The following ZNF431 variants were observed in gnomAD, a reference collection of about 807,000 sequenced individuals.
ZNF431 encodes zinc finger protein 431.
ZNF431 carries 34 observed loss-of-function variants against 57.0 expected under a neutral mutation model. The observed-to-expected ratio is 0.60, with a 90% CI of 0.45 to 0.79. The LOEUF (loss-of-function observed/expected upper bound fraction) is 0.79. Ranked by LOEUF, ZNF431 falls within the 30% of genes least tolerant of loss-of-function variation. The pLI, the probability that ZNF431 is intolerant of heterozygous loss-of-function variation, is 0.00. For synonymous variants in ZNF431, 207 were observed against 220.3 expected, an observed-to-expected ratio of 0.94 and a Z score of 0.54; for missense variants, 607 against 667.1, an observed-to-expected ratio of 0.91 and a Z score of 0.99.
chr19:21,183,001 A>C lies in ZNF431; in HGVS notation c.698A>C (p.Gln233Pro). The C allele has an allele frequency of 6.2e-7, 1 of 1,614,140 alleles. No homozygotes were observed. The highest frequency in any genetic ancestry group is 8.5e-7 in the Non-Finnish European group (1 of 1,179,968). The stretch of plus-strand genomic sequence containing the variant: ...ATTCATATTAGAGAGAATTCTTACC[A>C]ATGTGAAGAATGTGGCAAAGCTTTT... Reference protein sequence around the residue: ...KRIHIRENSYQCEECGKAFKW... With the variant: ...KRIHIRENSYPCEECGKAFKW... Residue 233 changes from glutamine (Q) to proline (P), a missense_variant, in exon 5 of 5, where the codon CAA becomes CCA. Gln to Pro is a moderately conservative substitution (Grantham distance 76). Transcript: ENST00000311048.
rs747160201 is a variant in ZNF431 at position 21,183,772 on chromosome 19, G to T, written c.1469G>T (p.Gly490Val). 6.2e-7 allele frequency: 1 copy of T among 1,613,728 alleles called. No homozygotes were observed. The highest frequency in any genetic ancestry group is 8.5e-7 in the Non-Finnish European group (1 of 1,179,902). ...AAACCCTACAAATGTGAAGAATGTG[G>T]CAAAGCTTTTAACCGATCCTCAAAT... ...GEKPYKCEEC[G>V]KAFNRSSNLT... is the part of the protein sequence containing the mutation. Residue 490 changes from glycine (G) to valine (V), a missense_variant, in exon 5 of 5, where the codon GGC becomes GTC. Transcript: ENST00000311048.
chr19:21,162,318 C>A (rs760846186), intron 2 of ZNF431, among the ~76,000 whole-genome samples: 2 of 152,062 alleles, frequency 1.3e-5, no homozygotes, highest in Admixed American at 6.6e-5. Context: ...GGATTACAGG[C>A]ACCTGCCACC....
intron 2 of ZNF431, 86 bp from the exon 3 acceptor site, chr19:21,166,249 C>A: frequency 6.5e-6 from 10 of 1,535,272 alleles, no homozygotes; most frequent in Non-Finnish European, 8.7e-6. Flanking sequence ...TCTCTTTACT[C>A]TCTCAATTCA....
chr19:21,182,883 C>T lies in ZNF431; in HGVS notation c.580C>T (p.His194Tyr). 6.2e-7 allele frequency: 1 copy of T among 1,613,880 alleles called. No individual in the cohort carries two copies. The highest frequency in any genetic ancestry group is 2.2e-5 in the East Asian group (1 of 44,842). ...TCATAAATTTTTAAATGCAAATAGA[C>T]ATAAGACAAGACATACTGGAAAGAA... The part of the protein sequence containing the change: ...VFHKFLNANR[H>Y]KTRHTGKKPF... Residue 194 changes from histidine (H) to tyrosine (Y), a missense_variant, in exon 5 of 5, where the codon CAT (histidine) becomes TAT (tyrosine). By Grantham distance (83) the His-to-Tyr change is moderately conservative (BLOSUM62 2). Coordinates refer to ENST00000311048, the MANE Select transcript of ZNF431 (RefSeq NM_133473.4).
chr19:21,177,976 G>A (rs8108314), intron 4 of ZNF431, among the ~76,000 whole-genome samples: 91,041 of 151,710 alleles, frequency 0.6, 27,595 homozygotes, highest in Middle Eastern at 0.8. Context: ...TTATTTGTTT[G>A]TGTCCTCTCT....
chr19:21,144,565 A>G (rs1032373379), intron 2 of ZNF431, among the ~76,000 whole-genome samples: 19 of 152,078 alleles, frequency 1.2e-4, no homozygotes, highest in African/African-American at 4.6e-4. Context: ...ATTAATATCT[A>G]ATTATGTATC....
At chr19:21,162,687 A>C in intron 2 of ZNF431, 7 of 984,536 alleles carry the variant, frequency 7.1e-6, no homozygotes, top group Non-Finnish European at 8.4e-6. Flanking sequence ...AAAAGATGAG[A>C]GTTTTTGCTG....
chr19:21,165,122 C>T (rs7251646), intron 2 of ZNF431, among the ~76,000 whole-genome samples: 142,288 of 151,072 alleles, frequency 0.94, 67,245 homozygotes, highest in Middle Eastern at 0.99. Context: ...TTTTCCTATG[C>T]ACCAGACCCT....
intron 4 of ZNF431, among the ~76,000 whole-genome samples, chr19:21,178,682 C>T (rs750316508): frequency 5.9e-5 from 9 of 151,984 alleles, no homozygotes; most frequent in Admixed American, 2.6e-4. Flanking sequence ...TATGTTGAAC[C>T]AGCCTTGCAT....
chr19:21,142,211 C>G (rs762503920), intron 1 of ZNF431, 25 bp downstream of exon 1: 5 of 1,613,020 alleles, frequency 3.1e-6, no homozygotes, highest in African/African-American at 2.7e-5. Flanking sequence ...TCGGACATCC[C>G]GAGAGAGGGG....
In ZNF431 at chr19:21,162,145, TGTGTGTGTGTGTG is replaced by T. The variant is rs1484812002; in HGVS notation, c.97-4189_97-4177del. Among the ~76,000 whole-genome samples, 79 of 125,358 alleles carry T rather than the reference TGTGTGTGTGTGTG, an allele frequency of 6.3e-4. No individual in the cohort carries two copies. The East Asian group carries it at 9.4e-3, about 15-fold the overall frequency. The allele number at this position is 125,358 out of a possible 152,430, so 82.2% of individuals were successfully genotyped here. ...GTGCCTGTCACCACATCCAGCTAAT[TGTGTGTGTGTGTG>T]TGTGTGTGTGTGTGTGTGTGTGTGT... is the stretch of plus-strand genomic sequence containing the variant. On this transcript the variant is annotated intron_variant, in intron 2 of 4. Coordinates refer to ENST00000311048, the MANE Select transcript of ZNF431 (RefSeq NM_133473.4).
chr19:21,167,398 A>G (rs1427849615), intron 3 of ZNF431, among the ~76,000 whole-genome samples, 173 bp from the exon 4 acceptor site: 2 of 152,142 alleles, frequency 1.3e-5, no homozygotes, highest in Non-Finnish European at 2.9e-5. Flanking sequence ...ACCTCAGGTG[A>G]TCTGTCCGTC....
At chr19:21,164,607 CT>C (rs1263338365) in intron 2 of ZNF431, among the ~76,000 whole-genome samples, 5 of 152,130 alleles carry the variant, frequency 3.3e-5, no homozygotes, top group Non-Finnish European at 7.4e-5. Flanking sequence ...AGAATTTTAT[CT>C]GAAAAGGATT....
intron 2 of ZNF431, chr19:21,150,378 T>G (rs1051012945): frequency 2.8e-6 from 1 of 363,268 alleles, no homozygotes; most frequent in East Asian, 7.3e-5. Flanking sequence ...GCCTCCTGCT[T>G]CTTCACAACA....
rs150189743 is a variant in ZNF431, at chr19:21,147,409, G to A, written c.96+3766G>A. Among the ~76,000 whole-genome samples the A allele has an allele frequency of 4.0e-3, 605 of 152,142 alleles. 3 individuals carry two copies. Among genetic ancestry groups the A allele is most frequent in the African/African-American group, 0.013 (558 of 41,500 alleles). On this transcript the variant is annotated intron_variant, in intron 2 of 4. Coordinates refer to ENST00000311048, the MANE Select transcript of ZNF431 (RefSeq NM_133473.4). ...GGAGGCTGAGGCAAGAGAATTACTC[G>A]AACCTGGGAGGCAGAGGTTGCAGTG...
chr19:21,143,545 C>T lies in ZNF431; in HGVS notation c.4-6C>T, dbSNP rs369394356. 20 of 1,611,124 alleles carry T rather than the reference C, an allele frequency of 1.2e-5. No individual in the cohort carries two copies. Among genetic ancestry groups the T allele is most frequent in the Non-Finnish European group, 1.7e-5 (20 of 1,177,368 alleles). ...ATATCAGCTTCTGGTTTATTTTCTT[C>T]CATAGGACGACTTGAAATATGGAGT... On this transcript the variant is annotated splice_polypyrimidine_tract_variant and splice_region_variant and intron_variant, in intron 1 of 4. Coordinates refer to ENST00000311048, the MANE Select transcript of ZNF431 (RefSeq NM_133473.4).
chr19:21,175,027 G>T (rs1056767433), intron 4 of ZNF431, among the ~76,000 whole-genome samples: 2 of 152,090 alleles, frequency 1.3e-5, no homozygotes, highest in African/African-American at 4.8e-5. Flanking sequence ...AAAGTGCTGG[G>T]ATTACAGGCA....
rs1364989520 is a variant in ZNF431 at position 21,189,073 on chromosome 19, A to T, written c.*5039A>T. ...AAGACACAGTATTTGACACATTGTT[A>T]TTCTTCTATGTTTTATAAATATTTT... On this transcript the variant is annotated 3_prime_UTR_variant, in exon 5 of 5. Transcript: ENST00000311048. The T allele has an allele frequency of 6.6e-6, 1 of 152,216 alleles. No individual in the cohort carries two copies. Among genetic ancestry groups the T allele is most frequent in the Admixed American group, 6.5e-5 (1 of 15,276 alleles). The allele number at this position is 152,216 out of a possible 1,614,324, so 9.4% of individuals were successfully genotyped here.
chr19:21,178,424 T>G (rs1378669068), intron 4 of ZNF431, among the ~76,000 whole-genome samples: 1 of 152,126 alleles, frequency 6.6e-6, no homozygotes, highest in Non-Finnish European at 1.5e-5. Context: ...GCTTTTGCCC[T>G]TTTATATCGG....
Sources: gnomAD v4.1 joint callset for allele counts (sites outside exome capture counted in the v4.1 genomes callset) on GRCh38, gnomAD v4.1.1 for gene constraint, MANE v1.5 for transcripts, NCBI Gene and HGNC (gene_info 2026-07-23, HGNC 2026-07-21) for gene names.